The following KCNG3 variants were observed in gnomAD, a reference collection of about 807,000 sequenced individuals.
KCNG3 encodes the protein voltage-gated potassium channel regulatory subunit KCNG3.
KCNG3 carries 15 observed loss-of-function variants against 29.0 expected under a neutral mutation model. The ratio of observed to expected loss-of-function variants is 0.52; its 90% CI spans 0.35 to 0.80. The LOEUF is 0.80. Among genes scored for constraint, KCNG3 ranks in the 30% least tolerant of loss-of-function variants. KCNG3 has a pLI of 0.01. For missense variants in KCNG3, 512 were observed against 605.7 expected (o/e 0.85, Z 1.62); for synonymous variants, 322 against 248.9 (o/e 1.29, Z -2.76).
the KCNG3 span, among the ~76,000 whole-genome samples, chr2:42,403,359 T>C: frequency 6.6e-6 from 1 of 152,120 alleles, no homozygotes. Flanking sequence ...TCCATGCTGG[T>C]CTCGAACTCC....
chr2:42,472,748 C>T (rs1673319602), intron 1 of KCNG3, among the ~76,000 whole-genome samples: 1 of 151,870 alleles, frequency 6.6e-6, no homozygotes, highest in Admixed American at 6.6e-5. Flanking sequence ...GATATACCCG[C>T]CTCGGCCTCC....
chr2:42,429,311 G>C, the KCNG3 span, among the ~76,000 whole-genome samples: 4 of 152,252 alleles, frequency 2.6e-5, no homozygotes, highest in South Asian at 8.3e-4. Context: ...CTAGAAATCT[G>C]CTTATTTAGT....
At chr2:42,419,241 T>TTTTTTTTTTG in the KCNG3 span, among the ~76,000 whole-genome samples, 1 of 119,826 alleles carries the variant, frequency 8.3e-6, no homozygotes, top group Non-Finnish European at 1.7e-5. Flanking sequence ...TTTTTTTTTT[T>TTTTTTTTTTG]TTTTTTTTTT....
At chr2:42,452,399 A>G (rs1172246974) in intron 1 of KCNG3, among the ~76,000 whole-genome samples, 4 of 151,808 alleles carry the variant, frequency 2.6e-5, no homozygotes, top group Non-Finnish European at 5.9e-5. Context: ...TTACTTTAAA[A>G]TGTAAGATTA....
At chr2:42,480,287 G>T (rs902778193) in intron 1 of KCNG3, among the ~76,000 whole-genome samples, 1 of 152,076 alleles carries the variant, frequency 6.6e-6, no homozygotes, top group Non-Finnish European at 1.5e-5. Context: ...AATATCACAG[G>T]TACTCTCATT....
intron 1 of KCNG3, among the ~76,000 whole-genome samples, chr2:42,487,285 T>C (rs1673749210): frequency 6.6e-6 from 1 of 151,746 alleles, no homozygotes; most frequent in Admixed American, 6.6e-5. Flanking sequence ...GGGTCCTAAA[T>C]TAGAAAACAA....
At chr2:42,416,788 AG>A in the KCNG3 span, among the ~76,000 whole-genome samples, 1 of 151,570 alleles carries the variant, frequency 6.6e-6, no homozygotes, top group Non-Finnish European at 1.5e-5. Context: ...ACTGCACTCC[AG>A]CCTGGGTGAC....
downstream of KCNG3, among the ~76,000 whole-genome samples, chr2:42,440,614 G>C (rs1224594476): frequency 6.6e-6 from 1 of 152,028 alleles, no homozygotes; most frequent in African/African-American, 2.4e-5. Context: ...CTGGACAAAG[G>C]TTTAAAAAGA....
At chr2:42,457,993 A>G (rs1022571285) in intron 1 of KCNG3, among the ~76,000 whole-genome samples, 3 of 152,128 alleles carry the variant, frequency 2.0e-5, no homozygotes, top group Admixed American at 6.5e-5. Context: ...CAAACAAAAT[A>G]TATGTACTCA....
chr2:42,467,008 C>G (rs1017681922), intron 1 of KCNG3, among the ~76,000 whole-genome samples: 2 of 152,084 alleles, frequency 1.3e-5, no homozygotes, highest in African/African-American at 4.8e-5. Flanking sequence ...CCGCCTCGGC[C>G]TCCCAAAGTG....
chr2:42,389,355 G>T, the KCNG3 span, among the ~76,000 whole-genome samples: 10 of 152,108 alleles, frequency 6.6e-5, no homozygotes, highest in Non-Finnish European at 1.2e-4. Context: ...TTGTTCCTAT[G>T]GTCCCTAAAT....
chr2:42,492,278 A>G (rs1171984084), intron 1 of KCNG3, among the ~76,000 whole-genome samples: 1 of 152,164 alleles, frequency 6.6e-6, no homozygotes, highest in Admixed American at 6.5e-5. Context: ...GGGGAAGAAA[A>G]GGGCACAGAC....
chr2:42,395,531 T>C, the KCNG3 span, among the ~76,000 whole-genome samples: 1 of 152,220 alleles, frequency 6.6e-6, no homozygotes, highest in Non-Finnish European at 1.5e-5. Context: ...CTTTGGTAGA[T>C]GTAATAATGA....
chr2:42,452,243 A>ATATATATATATATATTTTT, intron 1 of KCNG3, among the ~76,000 whole-genome samples: 52 of 95,034 alleles, frequency 5.5e-4, no homozygotes, highest in Non-Finnish European at 7.9e-4. Context: ...ATATATATAT[A>ATATATATATATATATTTTT]TTTTTTTTTT....
intron 1 of KCNG3, among the ~76,000 whole-genome samples, chr2:42,477,418 C>CACACACAG (rs1558386650): frequency 1.4e-4 from 7 of 49,278 alleles, no homozygotes; most frequent in African/African-American, 3.5e-4. Context: ...CACACACACA[C>CACACACAG]ACACATATAT....
At chr2:42,475,449 C>T (rs1673400380) in intron 1 of KCNG3, among the ~76,000 whole-genome samples, 1 of 151,424 alleles carries the variant, frequency 6.6e-6, no homozygotes, top group Non-Finnish European at 1.5e-5. Flanking sequence ...GTGCCTCAGC[C>T]TCCCGGATAG....
intron 1 of KCNG3, among the ~76,000 whole-genome samples, chr2:42,476,934 CCA>C (rs1673440699): frequency 6.6e-6 from 1 of 150,952 alleles, no homozygotes. Context: ...ACCTGTAATC[CCA>C]GCACTTTGGG....
At chr2:42,473,912 G>T (rs1470198759) in intron 1 of KCNG3, among the ~76,000 whole-genome samples, 1 of 152,056 alleles carries the variant, frequency 6.6e-6, no homozygotes, top group African/African-American at 2.4e-5. Flanking sequence ...ACCACTTTGG[G>T]AAGCAGAGGC....
chr2:42,405,462 G>A, the KCNG3 span, among the ~76,000 whole-genome samples: 1 of 147,874 alleles, frequency 6.8e-6, no homozygotes, highest in Non-Finnish European at 1.5e-5. Flanking sequence ...TTTTTGAGAC[G>A]GCGTCTCACT....
Sources: gnomAD v4.1 joint callset for allele counts (sites outside exome capture counted in the v4.1 genomes callset) on GRCh38, gnomAD v4.1.1 for gene constraint, MANE v1.5 for transcripts, NCBI Gene and HGNC (gene_info 2026-07-23, HGNC 2026-07-21) for gene names.